ZSWIM6: variants seen among roughly 807,000 people sequenced by gnomAD.
ZSWIM6 encodes zinc finger SWIM-type containing 6.
Under a neutral mutation model 113.2 loss-of-function variants are expected in ZSWIM6, and 9 were observed. That is an observed-to-expected ratio of 0.08 (90% confidence interval 0.05 to 0.14). The LOEUF is 0.14. Ranked by LOEUF, ZSWIM6 falls within the 10% of genes least tolerant of loss-of-function variation. The pLI is 1.00. For missense variants in ZSWIM6, 1,162 were observed against 1,552.2 expected (o/e 0.75, Z 4.22); for synonymous variants, 611 against 606.5 (o/e 1.01, Z -0.11).
chr5:61,486,706 A>G (rs1233411561), intron 2 of ZSWIM6, among the ~76,000 whole-genome samples: 1 of 151,888 alleles, frequency 6.6e-6, no homozygotes, highest in Admixed American at 6.6e-5. Context: ...GATGTTGAGC[A>G]TTTTTTCATG....
intron 1 of ZSWIM6, among the ~76,000 whole-genome samples, chr5:61,348,136 G>A (rs1310039918): frequency 1.3e-5 from 2 of 152,206 alleles, no homozygotes; most frequent in Non-Finnish European, 2.9e-5. Context: ...CAGGAAAATG[G>A]CGTCAACCCG....
Position 61,521,398 on chromosome 5 carries a change from C to A in ZSWIM6, c.1469C>A (p.Pro490His). ...WEDGNHGSEL[P>H]NLTNALPQGA... ...GATGGAAATCATGGCAGTGAATTAC[C>A]CAACTTAACCAATGCTCTGCCTCAG... Residue 490 changes from proline to histidine, a missense_variant, in exon 5 of 14, where the codon CCC becomes CAC. Pro to His is a moderately conservative substitution (Grantham distance 77). Coordinates refer to ENST00000252744, the MANE Select transcript of ZSWIM6 (RefSeq NM_020928.2). 1 of 1,526,174 alleles carries A rather than the reference C, an allele frequency of 6.6e-7. No homozygotes were observed. The highest frequency in any genetic ancestry group is 1.4e-5 in the African/African-American group (1 of 71,438). The allele number at this position is 1,526,174 out of a possible 1,614,324, so 94.5% of individuals were successfully genotyped here. A position where few individuals can be genotyped will look rare whatever the true frequency, so the allele number is the denominator to read the frequency against.
At chr5:61,539,008 T>C in intron 11 of ZSWIM6, 37 bp downstream of exon 11, 5 of 1,455,616 alleles carry the variant, frequency 3.4e-6, no homozygotes, top group Non-Finnish European at 4.5e-6. Context: ...ATTGTTTCAT[T>C]CGTTTGCCTG....
At chr5:61,438,106 G>C (rs7720894) in intron 1 of ZSWIM6, among the ~76,000 whole-genome samples, 94,279 of 151,894 alleles carry the variant, frequency 0.62, 31,833 homozygotes, top group African/African-American at 0.9. Flanking sequence ...TTATTTCTTT[G>C]CTATACATCC....
At chr5:61,433,937 A>T (rs1746640448) in intron 1 of ZSWIM6, among the ~76,000 whole-genome samples, 1 of 150,326 alleles carries the variant, frequency 6.7e-6, no homozygotes, top group African/African-American at 2.4e-5. Flanking sequence ...ATGATCATTT[A>T]CATAATCACA....
chr5:61,451,882 G>A (rs1197561035), intron 1 of ZSWIM6, among the ~76,000 whole-genome samples: 1 of 152,050 alleles, frequency 6.6e-6, no homozygotes, highest in Non-Finnish European at 1.5e-5. Flanking sequence ...TAAGTTAAAA[G>A]GTGAACTTCT....
intron 1 of ZSWIM6, among the ~76,000 whole-genome samples, chr5:61,336,159 G>A (rs1744389163): frequency 6.6e-6 from 1 of 152,126 alleles, no homozygotes. Context: ...AGCTACTTGG[G>A]AGGCTGAGGT....
intron 1 of ZSWIM6, among the ~76,000 whole-genome samples, chr5:61,461,649 G>A (rs1747326145): frequency 6.6e-6 from 1 of 152,148 alleles, no homozygotes; most frequent in Non-Finnish European, 1.5e-5. Context: ...TGGGGGTGTG[G>A]TTATTACCAG....
intron 1 of ZSWIM6, among the ~76,000 whole-genome samples, chr5:61,434,029 TATA>T (rs1052535909): frequency 1.1e-4 from 16 of 146,240 alleles, no homozygotes; most frequent in Non-Finnish European, 1.8e-4. Flanking sequence ...AATAGAAAAA[TATA>T]ATAAAAAATA....
At chr5:61,354,497 C>T (rs559808542) in intron 1 of ZSWIM6, among the ~76,000 whole-genome samples, 5 of 152,228 alleles carry the variant, frequency 3.3e-5, no homozygotes, top group South Asian at 4.1e-4. Context: ...TGACGTGACA[C>T]GAGATGTATT....
intron 1 of ZSWIM6, among the ~76,000 whole-genome samples, chr5:61,463,806 G>A (rs573420835): frequency 2.0e-5 from 3 of 152,076 alleles, no homozygotes; most frequent in Non-Finnish European, 4.4e-5. Flanking sequence ...GTGCAGGGTG[G>A]GCATTACTTG....
intron 1 of ZSWIM6, among the ~76,000 whole-genome samples, chr5:61,381,909 T>A (rs1161992400): frequency 1.3e-5 from 2 of 152,242 alleles, no homozygotes; most frequent in African/African-American, 2.4e-5. Context: ...GTAGAATGCA[T>A]ATATCTTTCT....
chr5:61,395,753 C>T (rs1745824882), intron 1 of ZSWIM6, among the ~76,000 whole-genome samples: 1 of 152,114 alleles, frequency 6.6e-6, no homozygotes. Flanking sequence ...AAGTAAGCCA[C>T]AGTAGGCCAT....
At chr5:61,539,791 A>T (rs1291209939) in intron 12 of ZSWIM6, 32 bp downstream of exon 12, 1 of 1,527,960 alleles carries the variant, frequency 6.5e-7, no homozygotes, top group Non-Finnish European at 8.8e-7. Flanking sequence ...CTGGGACATC[A>T]AAGACTGCTA....
intron 4 of ZSWIM6, among the ~76,000 whole-genome samples, chr5:61,500,473 C>T (rs1748436401): frequency 6.6e-6 from 1 of 152,100 alleles, no homozygotes; most frequent in Non-Finnish European, 1.5e-5. Flanking sequence ...GGTAGTCTCT[C>T]TACTCGGAGC....
chr5:61,512,938 T>G (rs1748828950), intron 4 of ZSWIM6, among the ~76,000 whole-genome samples: 1 of 151,718 alleles, frequency 6.6e-6, no homozygotes, highest in Non-Finnish European at 1.5e-5. Flanking sequence ...CCCACCAGAG[T>G]CATACAACTG....
At chr5:61,389,419 G>A (rs532482258) in intron 1 of ZSWIM6, among the ~76,000 whole-genome samples, 24 of 151,596 alleles carry the variant, frequency 1.6e-4, no homozygotes, top group Admixed American at 7.2e-4. Context: ...GCTGGGCATG[G>A]TGGTGGGTGC....
At chr5:61,402,431 G>A (rs1745956532) in intron 1 of ZSWIM6, among the ~76,000 whole-genome samples, 2 of 152,058 alleles carry the variant, frequency 1.3e-5, no homozygotes. Flanking sequence ...ACTTTAACTA[G>A]ATTTGTTTTC....
Position 61,396,030 on chromosome 5 carries a change from C to T in ZSWIM6, c.676+63082C>T, listed in dbSNP as rs141087852. ...CTTCTGTACAAGTCTACAGATAAAC[C>T]GAGATTGGAAAGTACAGTCTGGTGT... is the stretch of plus-strand genomic sequence containing the variant. On this transcript the variant is annotated intron_variant, in intron 1 of 13. Transcript: ENST00000252744. Among the ~76,000 whole-genome samples, 274 of 152,026 alleles carry T rather than the reference C, an allele frequency of 1.8e-3. 4 individuals carry two copies. Among genetic ancestry groups the T allele is most frequent in the Admixed American group, 0.015 (229 of 15,270 alleles).
Sources: gnomAD v4.1 joint callset for allele counts (sites outside exome capture counted in the v4.1 genomes callset) on GRCh38, gnomAD v4.1.1 for gene constraint, MANE v1.5 for transcripts, NCBI Gene and HGNC (gene_info 2026-07-23, HGNC 2026-07-21) for gene names.